The following TRABD2B variants were observed in gnomAD, a reference collection of about 807,000 sequenced individuals.
The protein encoded by TRABD2B is metalloprotease TIKI2.
TRABD2B carries 14 observed loss-of-function variants against 40.1 expected under a neutral mutation model. The ratio of observed to expected loss-of-function variants is 0.35; its 90% CI spans 0.23 to 0.55. The LOEUF (loss-of-function observed/expected upper bound fraction) is 0.55. Among genes scored for constraint, TRABD2B ranks in the 20% least tolerant of loss-of-function variants. TRABD2B has a pLI of 0.90. For missense variants in TRABD2B, 541 were observed against 648.6 expected (o/e 0.83, Z 1.80); for synonymous variants, 263 against 277.0 (o/e 0.95, Z 0.50).
intron 2 of TRABD2B, among the ~76,000 whole-genome samples, chr1:47,954,647 C>G (rs1418018932): frequency 6.6e-6 from 1 of 152,118 alleles, no homozygotes; most frequent in Non-Finnish European, 1.5e-5. Flanking sequence ...ATGTGCATGT[C>G]ACTGTGTGTG....
chr1:47,836,062 A>T (rs1372946526), intron 2 of TRABD2B, among the ~76,000 whole-genome samples: 2 of 152,202 alleles, frequency 1.3e-5, no homozygotes, highest in Non-Finnish European at 2.9e-5. Context: ...ACACAGAAAA[A>T]GTTTTTATAT....
At chr1:47,847,392 G>C (rs1345552980) in intron 2 of TRABD2B, among the ~76,000 whole-genome samples, 1 of 152,176 alleles carries the variant, frequency 6.6e-6, no homozygotes, top group Non-Finnish European at 1.5e-5. Context: ...GATTATCTTC[G>C]TGTCTCCAAT....
chr1:47,863,361 C>A (rs940050128), intron 2 of TRABD2B, among the ~76,000 whole-genome samples: 12 of 36,658 alleles, frequency 3.3e-4, no homozygotes, highest in East Asian at 3.6e-3. Flanking sequence ...TTGGATATAT[C>A]CTATATAATT....
intron 2 of TRABD2B, among the ~76,000 whole-genome samples, chr1:47,828,548 A>G (rs564675341): frequency 6.6e-6 from 1 of 152,336 alleles, no homozygotes; most frequent in East Asian, 1.9e-4. Flanking sequence ...ATAATAAAGG[A>G]AAAATACTCA....
chr1:47,874,291 C>G (rs1342072447), intron 2 of TRABD2B, among the ~76,000 whole-genome samples: 1 of 120,566 alleles, frequency 8.3e-6, no homozygotes, highest in Non-Finnish European at 1.6e-5. Context: ...CGGAGTCTCG[C>G]TCTGTCGCCC....
chr1:47,948,087 T>C (rs1645285142), intron 2 of TRABD2B, among the ~76,000 whole-genome samples: 1 of 152,192 alleles, frequency 6.6e-6, no homozygotes, highest in Admixed American at 6.5e-5. Context: ...GGCCGTGGGC[T>C]TTGGAATCTT....
At chr1:47,788,476 C>T (rs1440348268) in intron 4 of TRABD2B, among the ~76,000 whole-genome samples, 5 of 152,172 alleles carry the variant, frequency 3.3e-5, no homozygotes, top group African/African-American at 9.7e-5. Flanking sequence ...GTCTCTGGTG[C>T]TCACACTGCT....
At chr1:47,972,276 G>A (rs1287783755) in intron 2 of TRABD2B, among the ~76,000 whole-genome samples, 1 of 152,176 alleles carries the variant, frequency 6.6e-6, no homozygotes, top group East Asian at 1.9e-4. Flanking sequence ...TCTGGCCTGA[G>A]AGTCCCTCCA....
At chr1:47,777,306 CT>C (rs1269509884) in intron 5 of TRABD2B, among the ~76,000 whole-genome samples, 3 of 152,228 alleles carry the variant, frequency 2.0e-5, no homozygotes, top group Non-Finnish European at 4.4e-5. Context: ...ATGCTTGCCC[CT>C]GGCCCCCAGT....
intron 2 of TRABD2B, among the ~76,000 whole-genome samples, chr1:47,888,823 C>G (rs1644407214): frequency 6.6e-6 from 1 of 152,160 alleles, no homozygotes; most frequent in African/African-American, 2.4e-5. Context: ...CATGAGAGAG[C>G]TTCTGTCCAC....
chr1:47,810,311 C>T (rs940517036), intron 2 of TRABD2B, among the ~76,000 whole-genome samples: 1 of 152,094 alleles, frequency 6.6e-6, no homozygotes, highest in South Asian at 2.1e-4. Flanking sequence ...CTCAAGTGAT[C>T]CTCCTGCCTT....
Position 47,808,796 on chromosome 1 carries a change from C to T in TRABD2B, c.667-7177G>A, listed in dbSNP as rs535054735. Among the ~76,000 whole-genome samples, 4 of 152,184 alleles carry T rather than the reference C, an allele frequency of 2.6e-5. No homozygotes were observed. The East Asian group carries it at 7.7e-4, about 29-fold the overall frequency. On this transcript the variant is annotated intron_variant, in intron 2 of 6. Transcript: ENST00000606738. ...TTCTTTCTGCTGTCCCTGGTCCTGG[C>T]CCACCAAGCCACCTCCACCCAACCA...
At chr1:47,896,598 C>T (rs571457917) in intron 2 of TRABD2B, among the ~76,000 whole-genome samples, 7 of 152,270 alleles carry the variant, frequency 4.6e-5, no homozygotes, top group African/African-American at 2.4e-5. Flanking sequence ...CCAGTCTGTG[C>T]GTCACTAAAA....
intron 3 of TRABD2B, among the ~76,000 whole-genome samples, chr1:47,800,784 T>C (rs1036457837): frequency 6.6e-6 from 1 of 152,038 alleles, no homozygotes; most frequent in Non-Finnish European, 1.5e-5. Flanking sequence ...GGAGGAACCC[T>C]GGAGGAGAAA....
At chr1:47,900,929 C>G (rs1310361679) in intron 2 of TRABD2B, among the ~76,000 whole-genome samples, 1 of 152,104 alleles carries the variant, frequency 6.6e-6, no homozygotes, top group African/African-American at 2.4e-5. Context: ...GAGTGGGCAC[C>G]AAGGAGTAAG....
intron 2 of TRABD2B, among the ~76,000 whole-genome samples, chr1:47,984,308 C>G (rs939737888): frequency 1.3e-5 from 2 of 152,218 alleles, no homozygotes; most frequent in African/African-American, 4.8e-5. Flanking sequence ...GCTGCCTGAT[C>G]GAGTGACGGG....
Position 47,879,605 on chromosome 1 carries a change from A to G in TRABD2B, c.667-77986T>C, listed in dbSNP as rs149414218. Among the ~76,000 whole-genome samples, 15 of 152,410 alleles carry G rather than the reference A, an allele frequency of 9.8e-5. No individual in the cohort carries two copies. The South Asian group carries it at 3.1e-3, about 32-fold the overall frequency. ...GCATGACTCTATACCTGTGGAAAAT[A>G]GGTAAGAAAGCAATACATTGACATG... On this transcript the variant is annotated intron_variant, in intron 2 of 6. Coordinates refer to ENST00000606738, the MANE Select transcript of TRABD2B (RefSeq NM_001194986.2).
At chr1:47,874,252 A>T (rs889669817) in intron 2 of TRABD2B, among the ~76,000 whole-genome samples, 6 of 90,526 alleles carry the variant, frequency 6.6e-5, no homozygotes, top group African/African-American at 1.4e-4. Flanking sequence ...TGATTAATTA[A>T]TTTTTTTTTT....
intron 2 of TRABD2B, among the ~76,000 whole-genome samples, chr1:47,853,267 C>T (rs901573597): frequency 1.3e-5 from 2 of 152,212 alleles, no homozygotes; most frequent in African/African-American, 4.8e-5. Flanking sequence ...CCCAAACCCA[C>T]CAACGCACCC....
Sources: allele counts gnomAD v4.1 joint callset (sites outside exome capture counted in the v4.1 genomes callset), GRCh38; gene constraint gnomAD v4.1.1; transcripts MANE v1.5; gene names NCBI Gene and HGNC (gene_info 2026-07-23, HGNC 2026-07-21).